VEGFC: variants seen among roughly 807,000 people sequenced by gnomAD.
VEGFC encodes the protein FLT4 ligand DHM.
A neutral mutation model predicts 46.1 loss-of-function variants in VEGFC; 12 were observed. The ratio of observed to expected loss-of-function variants is 0.26; its 90% confidence interval spans 0.17 to 0.42. The LOEUF (loss-of-function observed/expected upper bound fraction) is 0.42. VEGFC is among the 10% of genes least tolerant of loss of function. VEGFC has a pLI of 1.00. For missense variants in VEGFC, 488 were observed against 529.4 expected, an observed-to-expected ratio of 0.92 and a Z score of 0.77; for synonymous variants, 232 against 195.5, an observed-to-expected ratio of 1.19 and a Z score of -1.56.
At chr4:176,717,018 A>G (rs1734711660) in intron 3 of VEGFC, among the ~76,000 whole-genome samples, 1 of 152,194 alleles carries the variant, frequency 6.6e-6, no homozygotes, top group African/African-American at 2.4e-5. Flanking sequence ...ATACTGATTG[A>G]TGATGTATTT....
At chr4:176,736,255 A>G (rs537638314) in intron 1 of VEGFC, among the ~76,000 whole-genome samples, 1 of 151,950 alleles carries the variant, frequency 6.6e-6, no homozygotes, top group Admixed American at 6.6e-5. Context: ...TCCTAATAAA[A>G]TGCCCATATT....
At chr4:176,733,504 C>T (rs1264836482) in intron 1 of VEGFC, among the ~76,000 whole-genome samples, 2 of 151,858 alleles carry the variant, frequency 1.3e-5, no homozygotes, top group African/African-American at 2.4e-5. Context: ...AAGCCAGATT[C>T]AAAATGCTAC....
rs1240998375 is a variant in VEGFC at position 176,687,357 on chromosome 4, G to T, written c.975C>A (p.Pro325=). ...ATTCTCGGTTGGCCCCACATTGGCT[G>T]GGGAAGAGTTTGTTTTTACAGACAC... ...CQCVCKNKLF[P]SQCGANREFD... Residue 325 remains proline (P), a synonymous_variant, in exon 6 of 7, where the codon CCC becomes CCA. Coordinates refer to ENST00000618562, the MANE Select transcript of VEGFC (RefSeq NM_005429.5). 3 of 1,614,088 alleles carry T rather than the reference G, an allele frequency of 1.9e-6. No individual in the cohort carries two copies. Among genetic ancestry groups the T allele is most frequent in the South Asian group, 2.2e-5 (2 of 91,080 alleles).
chr4:176,739,470 T>C (rs28549810), intron 1 of VEGFC, among the ~76,000 whole-genome samples: 8,166 of 152,022 alleles, frequency 0.054, 413 homozygotes, highest in African/African-American at 0.12. Context: ...GAAGCCATCA[T>C]CCTGAGCAAA....
chr4:176,696,686 A>G (rs1057206045), intron 4 of VEGFC, among the ~76,000 whole-genome samples: 1 of 152,010 alleles, frequency 6.6e-6, no homozygotes, highest in Non-Finnish European at 1.5e-5. Flanking sequence ...AGTCAACCCT[A>G]AGCCAAAAGA....
chr4:176,773,105 A>G (rs1262564234), intron 1 of VEGFC, among the ~76,000 whole-genome samples: 1 of 152,220 alleles, frequency 6.6e-6, no homozygotes, highest in Non-Finnish European at 1.5e-5. Flanking sequence ...TGGGGATTTC[A>G]GAGAAAACTT....
chr4:176,788,923 A>T (rs1403988849), intron 1 of VEGFC, among the ~76,000 whole-genome samples: 4 of 152,218 alleles, frequency 2.6e-5, no homozygotes, highest in African/African-American at 9.6e-5. Flanking sequence ...CATATTATGG[A>T]GGTGTAGTGA....
At chr4:176,703,257 A>G (rs992613175) in intron 4 of VEGFC, among the ~76,000 whole-genome samples, 2 of 152,134 alleles carry the variant, frequency 1.3e-5, no homozygotes, top group Non-Finnish European at 2.9e-5. Context: ...AAATAAAGAA[A>G]ATCTGTTATA....
chr4:176,697,524 T>G (rs1295157715), intron 4 of VEGFC, among the ~76,000 whole-genome samples: 1 of 150,668 alleles, frequency 6.6e-6, no homozygotes, highest in African/African-American at 2.4e-5. Flanking sequence ...GGAACACTTT[T>G]ACACTGTTGG....
Position 176,792,882 on chromosome 4 carries a change from G to GAGCGGCGGCGGC in VEGFC, c.-583_-572dup, listed in dbSNP as rs886304539. The stretch of plus-strand genomic sequence containing the variant: ...AGGATCCTCCAGAGCGCGCCGGGCT[G>GAGCGGCGGCGGC]AGCGGCGGCGGCGGCGGCGGCGGGC... On this transcript the variant is annotated 5_prime_UTR_variant, in exon 1 of 7. Coordinates refer to ENST00000618562, the MANE Select transcript of VEGFC (RefSeq NM_005429.5). The surrounding 1 kb of genome is among the most constrained non-coding windows in gnomAD (Gnocchi z 6.3). Among the ~76,000 whole-genome samples the GAGCGGCGGCGGC allele has an allele frequency of 1.4e-5, 2 of 147,740 alleles. No homozygotes were observed. Among genetic ancestry groups the GAGCGGCGGCGGC allele is most frequent in the African/African-American group, 4.9e-5 (2 of 40,616 alleles).
intron 1 of VEGFC, among the ~76,000 whole-genome samples, chr4:176,788,900 A>C (rs1310227031): frequency 1.3e-5 from 2 of 152,242 alleles, no homozygotes; most frequent in Non-Finnish European, 2.9e-5. Flanking sequence ...CCTTAATGAA[A>C]TAAAATAATG....
At chr4:176,713,720 C>T (rs1001948365) in intron 3 of VEGFC, among the ~76,000 whole-genome samples, 1 of 151,956 alleles carries the variant, frequency 6.6e-6, no homozygotes, top group Non-Finnish European at 1.5e-5. Context: ...AGAATAGAAA[C>T]CTGGGGCACA....
chr4:176,725,483 A>G (rs995838348), intron 3 of VEGFC, among the ~76,000 whole-genome samples: 37 of 152,284 alleles, frequency 2.4e-4, no homozygotes, highest in African/African-American at 8.7e-4. Context: ...ATTTGGATCT[A>G]TGTTTTTAAA....
chr4:176,698,652 G>A (rs76266534), intron 4 of VEGFC, among the ~76,000 whole-genome samples: 3,868 of 152,034 alleles, frequency 0.025, 159 homozygotes, highest in African/African-American at 0.088. Flanking sequence ...TGTACTATAC[G>A]TTAGGTCTCC....
At chr4:176,757,138 G>A (rs1735446226) in intron 1 of VEGFC, among the ~76,000 whole-genome samples, 1 of 152,010 alleles carries the variant, frequency 6.6e-6, no homozygotes, top group African/African-American at 2.4e-5. Context: ...ATGTTAACAG[G>A]TGATGGAAAT....
intron 1 of VEGFC, among the ~76,000 whole-genome samples, chr4:176,765,817 T>C (rs922514939): frequency 1.2e-4 from 19 of 152,194 alleles, no homozygotes; most frequent in African/African-American, 4.6e-4. Context: ...CCTCCCAAAG[T>C]GCTGGGATTA....
chr4:176,769,450 G>A (rs1033052694), intron 1 of VEGFC, among the ~76,000 whole-genome samples: 1 of 152,080 alleles, frequency 6.6e-6, no homozygotes, highest in Admixed American at 6.5e-5. Context: ...ATAACTGTTG[G>A]CTTTAGCAAC....
intron 4 of VEGFC, among the ~76,000 whole-genome samples, chr4:176,701,513 C>T (rs368371041): frequency 5.3e-5 from 8 of 152,106 alleles, no homozygotes; most frequent in East Asian, 3.9e-4. Context: ...TTTCAATTAT[C>T]GTATTTTAGA....
At chr4:176,738,362 C>G (rs2111027949) in intron 1 of VEGFC, among the ~76,000 whole-genome samples, 1 of 152,032 alleles carries the variant, frequency 6.6e-6, no homozygotes, top group South Asian at 2.1e-4. Flanking sequence ...ACACATAGAC[C>G]AATGGAACAG....
Sources: gnomAD v4.1 joint callset for allele counts (sites outside exome capture counted in the v4.1 genomes callset) on GRCh38, gnomAD v4.1.1 for gene constraint, Gnocchi (gnomAD v3.1) non-coding constraint, MANE v1.5 for transcripts, NCBI Gene and HGNC (gene_info 2026-07-23, HGNC 2026-07-21) for gene names.